CYRIB: variants seen among roughly 807,000 people sequenced by gnomAD.
CYRIB encodes CYFIP-related Rac1 interactor B.
A neutral mutation model predicts 44.2 loss-of-function variants in CYRIB; 8 were observed. That is an observed-to-expected ratio of 0.18 (90% CI 0.11 to 0.33). CYRIB has a LOEUF of 0.33. Ranked by LOEUF, CYRIB falls within the 10% of genes least tolerant of loss-of-function variation. The pLI, the probability that CYRIB is intolerant of heterozygous loss-of-function variation, is 1.00. For synonymous variants in CYRIB, 131 were observed against 127.2 expected (o/e 1.03, Z -0.20); for missense variants, 185 against 382.8 (o/e 0.48, Z 4.31).
chr8:129,905,517 T>A (rs1276028734), intron 1 of CYRIB, among the ~76,000 whole-genome samples: 2 of 152,222 alleles, frequency 1.3e-5, no homozygotes, highest in Admixed American at 1.3e-4. Flanking sequence ...CTCTATGAGT[T>A]AGTTCACAAA....
chr8:129,938,376 A>G (rs1244471195), intron 1 of CYRIB, among the ~76,000 whole-genome samples: 4 of 152,254 alleles, frequency 2.6e-5, no homozygotes, highest in Non-Finnish European at 4.4e-5. Context: ...TTTTAGCTAT[A>G]TAAAACACTC....
chr8:129,904,378 G>T (rs2074113947), intron 1 of CYRIB, 121 bp downstream of exon 3: 1 of 151,920 alleles, frequency 6.6e-6, no homozygotes, highest in Non-Finnish European at 1.5e-5. Flanking sequence ...ACGAGAGATG[G>T]GATCTAGCAA....
At position 129,925,250 on chromosome 8, in the gene CYRIB, T is replaced by C. The variant is rs758319903; in HGVS notation, c.-50+14358A>G. 3.9e-4 allele frequency among the ~76,000 whole-genome samples: 59 copies of C among 152,116 alleles called. 1 individual carries two copies. In the Middle Eastern group the frequency reaches 0.017, roughly 44 times the overall value. ...CCGCCTCTACTAAAAATACAAAAAT[T>C]AGCCGGGCATGGTGGTGTGTACCTG... On this transcript the variant is annotated intron_variant, in intron 1 of 11. Transcript: ENST00000519824.
intron 1 of CYRIB, among the ~76,000 whole-genome samples, chr8:130,011,319 G>A (rs904455411): frequency 1.3e-5 from 2 of 152,002 alleles, no homozygotes; most frequent in Admixed American, 6.6e-5. Flanking sequence ...TCAGGAGTTC[G>A]AGACCGGCCT....
intron 2 of CYRIB, among the ~76,000 whole-genome samples, chr8:129,964,184 G>A (rs1202390936): frequency 1.3e-5 from 2 of 152,198 alleles, no homozygotes; most frequent in African/African-American, 2.4e-5. Context: ...ACAGAAGCTG[G>A]TGTCTCTTAG....
chr8:129,876,777 G>A (rs2059264681), intron 3 of CYRIB, among the ~76,000 whole-genome samples: 1 of 152,036 alleles, frequency 6.6e-6, no homozygotes, highest in South Asian at 2.1e-4. Flanking sequence ...CCCAACTGCA[G>A]AGACATATTG....
chr8:129,948,386 C>A (rs911339889), intron 2 of CYRIB, among the ~76,000 whole-genome samples: 3 of 152,158 alleles, frequency 2.0e-5, no homozygotes, highest in Non-Finnish European at 4.4e-5. Context: ...AAGCCCATGG[C>A]TCCATTTACA....
chr8:129,887,394 C>A (rs1475572412), intron 2 of CYRIB, among the ~76,000 whole-genome samples: 1 of 152,184 alleles, frequency 6.6e-6, no homozygotes, highest in East Asian at 1.9e-4. Context: ...TATGGACATG[C>A]CTGGATGTTC....
rs934990729 is a variant in CYRIB at position 130,003,129 on chromosome 8, G to A, written c.-296+13241C>T. Among the ~76,000 whole-genome samples the A allele has an allele frequency of 2.0e-5, 3 of 152,154 alleles. No homozygotes were observed. In the East Asian group the frequency reaches 5.8e-4, roughly 29 times the overall value. On this transcript the variant is annotated intron_variant, in intron 1 of 14. Coordinates refer to the CYRIB transcript ENST00000401979. ...ACTGAGGTACTCGGGAGGCTGAGGT[G>A]GGAGGATTGCTTGAACCCTGGAGGT...
At chr8:129,992,084 G>A (rs943078719) in intron 1 of CYRIB, among the ~76,000 whole-genome samples, 1 of 151,972 alleles carries the variant, frequency 6.6e-6, no homozygotes, top group African/African-American at 2.4e-5. Context: ...GGGAGGCCTG[G>A]CTGAGGCATG....
chr8:129,842,298 C>T, intron 11 of CYRIB, 93 bp from the exon 14 acceptor site: 1 of 855,396 alleles, frequency 1.2e-6, no homozygotes, highest in Non-Finnish European at 1.9e-6. Context: ...GAATTGGTCT[C>T]AGCAAAACTC....
rs763600664 is a variant in CYRIB, at chr8:129,979,927, AT to A, written c.-295-8933del. ...CAAGAGCAAGACTCCACCTCAAAAA[AT>A]AAAATAAAATAAAATAATTATCATT... On this transcript the variant is annotated intron_variant, in intron 1 of 14. Transcript: ENST00000401979. 2.0e-3 allele frequency among the ~76,000 whole-genome samples: 299 copies of A among 152,290 alleles called. 1 individual carries two copies. Among genetic ancestry groups the A allele is most frequent in the Non-Finnish European group, 3.3e-3 (227 of 68,022 alleles).
chr8:129,889,883 C>T lies in CYRIB; in HGVS notation c.-10-10412G>A, dbSNP rs528700822. ...TCAGCTCTCGGGTTCAAGCAATTCT[C>T]GTGCCTCAACCTACTGAGTAGCTGA... is the stretch of plus-strand genomic sequence containing the variant. On this transcript the variant is annotated intron_variant, in intron 2 of 11. Transcript: ENST00000519824. 4.1e-4 allele frequency among the ~76,000 whole-genome samples: 62 copies of T among 151,756 alleles called. 1 individual carries two copies. The highest frequency in any genetic ancestry group is 1.3e-3 in the African/African-American group (54 of 41,370).
At chr8:129,842,391 T>C (rs1252567150) in intron 11 of CYRIB, among the ~76,000 whole-genome samples, 186 bp from the exon 14 acceptor site, 1 of 152,210 alleles carries the variant, frequency 6.6e-6, no homozygotes, top group East Asian at 1.9e-4. Flanking sequence ...TCTAACTGAA[T>C]AGCCAGTAGC....
intron 1 of CYRIB, among the ~76,000 whole-genome samples, chr8:130,002,838 C>T (rs955968550): frequency 6.6e-6 from 1 of 152,212 alleles, no homozygotes; most frequent in Admixed American, 6.5e-5. Context: ...TGGCCCACGC[C>T]TGTAATCCCA....
rs572300950 is a variant in CYRIB, at chr8:130,011,276, A to T, written c.-296+5094T>A. ...TGGCTCATGCCTGTAATCCCAGCAC[A>T]TTGGGAGGCTGAGGTGGGTAGATCA... On this transcript the variant is annotated intron_variant, in intron 1 of 14. Coordinates refer to the CYRIB transcript ENST00000401979. Among the ~76,000 whole-genome samples the T allele has an allele frequency of 4.0e-5, 6 of 150,930 alleles. No homozygotes were observed. In the East Asian group the frequency reaches 1.2e-3, roughly 30 times the overall value.
At chr8:129,975,145 C>A (rs2095863651) in intron 1 of CYRIB, among the ~76,000 whole-genome samples, 1 of 152,088 alleles carries the variant, frequency 6.6e-6, no homozygotes, top group Admixed American at 6.6e-5. Flanking sequence ...TCCCAAAGTG[C>A]TGGGATTACA....
At chr8:129,880,732 T>TA (rs2060526576) in intron 2 of CYRIB, among the ~76,000 whole-genome samples, 1 of 152,246 alleles carries the variant, frequency 6.6e-6, no homozygotes, top group Non-Finnish European at 1.5e-5. Flanking sequence ...TATTACTATC[T>TA]ATGTTAGTGT....
chr8:129,883,921 C>G (rs1009397048), intron 2 of CYRIB, among the ~76,000 whole-genome samples: 2 of 152,218 alleles, frequency 1.3e-5, no homozygotes, highest in African/African-American at 4.8e-5. Context: ...TTGCAGCTGT[C>G]AGAGCAACCT....
Sources: allele counts gnomAD v4.1 joint callset (sites outside exome capture counted in the v4.1 genomes callset), GRCh38; gene constraint gnomAD v4.1.1; transcripts MANE v1.5; gene names NCBI Gene and HGNC (gene_info 2026-07-23, HGNC 2026-07-21).